Variants in VPS41 observed in about 807,000 individuals in gnomAD.
VPS41 encodes vacuolar protein sorting-associated protein 41 homolog.
In VPS41, 85 loss-of-function variants were observed where a neutral mutation model predicts 130.9. That is an observed-to-expected ratio of 0.65 (90% CI 0.55 to 0.78). The LOEUF (loss-of-function observed/expected upper bound fraction) is 0.78. Ranked by LOEUF, VPS41 falls within the 30% of genes least tolerant of loss-of-function variation. The pLI, the probability that VPS41 is intolerant of heterozygous loss-of-function variation, is 0.00. For missense variants in VPS41, 874 were observed against 1,018.7 expected, an observed-to-expected ratio of 0.86 and a Z score of 1.93; for synonymous variants, 335 against 332.9, an observed-to-expected ratio of 1.01 and a Z score of -0.07.
chr7:38,730,078 C>A (rs142562131), intron 25 of VPS41, among the ~76,000 whole-genome samples: 3 of 152,276 alleles, frequency 2.0e-5, no homozygotes, highest in Non-Finnish European at 4.4e-5. Flanking sequence ...ACACATGTCA[C>A]ATCATAGAAG....
At chr7:38,765,493 A>G (rs1784021980) in intron 16 of VPS41, 87 bp downstream of exon 16, 6 of 875,454 alleles carry the variant, frequency 6.9e-6, no homozygotes, top group Non-Finnish European at 1.0e-5. Flanking sequence ...GTCCTAAAAA[A>G]GAGCTGAGTA....
At chr7:38,804,599 T>C (rs1337645937) in intron 7 of VPS41, among the ~76,000 whole-genome samples, 2 of 152,186 alleles carry the variant, frequency 1.3e-5, no homozygotes, top group Non-Finnish European at 2.9e-5. Context: ...AAAGCTTCCA[T>C]GAAAACAAAA....
intron 25 of VPS41, among the ~76,000 whole-genome samples, chr7:38,735,917 G>T (rs886646): frequency 4.0e-5 from 6 of 151,868 alleles, no homozygotes; most frequent in African/African-American, 7.3e-5. Flanking sequence ...GGGAGGAACA[G>T]GGCAGGGGAG....
At chr7:38,890,193 T>C (rs1259533350) in intron 2 of VPS41, among the ~76,000 whole-genome samples, 1 of 152,198 alleles carries the variant, frequency 6.6e-6, no homozygotes, top group Non-Finnish European at 1.5e-5. Flanking sequence ...AATGGCAGAC[T>C]TAAGCCTTAA....
intron 1 of VPS41, among the ~76,000 whole-genome samples, chr7:38,907,130 T>TTA (rs1336843456): frequency 6.7e-6 from 1 of 149,940 alleles, no homozygotes; most frequent in East Asian, 1.9e-4. Flanking sequence ...GTGATGCACA[T>TTA]TATAGGGAAA....
intron 10 of VPS41, among the ~76,000 whole-genome samples, chr7:38,787,356 C>T (rs369621933): frequency 6.6e-6 from 1 of 151,922 alleles, no homozygotes; most frequent in East Asian, 1.9e-4. Flanking sequence ...CTCAGGGAGT[C>T]CTGTGAGAAT....
At chr7:38,878,248 T>C (rs1036852988) in intron 2 of VPS41, among the ~76,000 whole-genome samples, 2 of 152,112 alleles carry the variant, frequency 1.3e-5, no homozygotes, top group African/African-American at 4.8e-5. Flanking sequence ...TTAATACCTT[T>C]TACAGACAAA....
chr7:38,860,693 CTGTTTG>C (rs1554296415), intron 4 of VPS41, among the ~76,000 whole-genome samples: 4 of 134,340 alleles, frequency 3.0e-5, no homozygotes, highest in South Asian at 2.5e-4. Flanking sequence ...TATTAACAAT[CTGTTTG>C]TGTGTGTGTG....
intron 2 of VPS41, among the ~76,000 whole-genome samples, chr7:38,872,250 A>G (rs945920829): frequency 1.3e-5 from 2 of 152,232 alleles, no homozygotes; most frequent in Non-Finnish European, 2.9e-5. Flanking sequence ...GTTCTGATCA[A>G]GCAGCCCTGT....
rs370113578 is a variant in VPS41 at position 38,748,437 on chromosome 7, G to A, written c.1927-2824C>T. On this transcript the variant is annotated intron_variant, in intron 22 of 28. Coordinates refer to ENST00000310301, the MANE Select transcript of VPS41 (RefSeq NM_014396.4). ...ATTATTTCTACCTATCCTTGATCTCGTCATCTTTTATCCAATCTTCTCTTT... is the reference window on the plus strand; with the variant it reads ...ATTATTTCTACCTATCCTTGATCTCATCATCTTTTATCCAATCTTCTCTTT... Among the ~76,000 whole-genome samples the A allele has an allele frequency of 6.6e-5, 10 of 151,892 alleles. No homozygotes were observed. The South Asian group carries it at 1.3e-3, about 19-fold the overall frequency.
intron 2 of VPS41, among the ~76,000 whole-genome samples, chr7:38,871,843 T>G (rs1470469975): frequency 6.6e-6 from 1 of 152,232 alleles, no homozygotes; most frequent in African/African-American, 2.4e-5. Context: ...TTATTTTCTA[T>G]AAAGATAGAG....
rs1475582097 is a variant in VPS41, at chr7:38,880,055, G to A, written c.61-10802C>T. On this transcript the variant is annotated intron_variant, in intron 2 of 28. Transcript: ENST00000310301. Reference sequence around the variant, plus strand: ...TAAAACCTTGGTTACCTTGCCTTTTGTGAAAAGGAAATGATAACCTGCACC... The same window carrying A: ...TAAAACCTTGGTTACCTTGCCTTTTATGAAAAGGAAATGATAACCTGCACC... Among the ~76,000 whole-genome samples, 6 of 152,160 alleles carry A rather than the reference G, an allele frequency of 3.9e-5. No individual in the cohort carries two copies. In the East Asian group the frequency reaches 1.2e-3, roughly 29 times the overall value.
intron 22 of VPS41, among the ~76,000 whole-genome samples, chr7:38,747,961 A>C (rs1047419649): frequency 1.3e-5 from 2 of 152,258 alleles, no homozygotes; most frequent in African/African-American, 4.8e-5. Context: ...AGTATCACCA[A>C]GTTCAAAGAT....
In VPS41 at chr7:38,909,138, C is replaced by T; in HGVS notation, c.21+16G>A. 5 of 1,614,200 alleles carry T rather than the reference C, an allele frequency of 3.1e-6. No individual in the cohort carries two copies. Among genetic ancestry groups the T allele is most frequent in the South Asian group, 1.1e-5 (1 of 91,084 alleles). The stretch of plus-strand genomic sequence containing the variant: ...TCTATATCCCTGTGCCCTCAACTAC[C>T]ACCTGCACCCTTTACCTGCTCCTCT... On this transcript the variant is annotated intron_variant, in intron 1 of 28. Coordinates refer to ENST00000310301, the MANE Select transcript of VPS41 (RefSeq NM_014396.4).
At chr7:38,809,479 T>A (rs951324655) in intron 7 of VPS41, among the ~76,000 whole-genome samples, 2 of 151,802 alleles carry the variant, frequency 1.3e-5, no homozygotes, top group African/African-American at 2.4e-5. Flanking sequence ...AATAATTTTT[T>A]AAATATTTAC....
At chr7:38,823,844 C>T (rs1015500802) in intron 5 of VPS41, among the ~76,000 whole-genome samples, 1 of 152,180 alleles carries the variant, frequency 6.6e-6, no homozygotes, top group African/African-American at 2.4e-5. Context: ...CCCCCCATCA[C>T]CTGCTGCTCA....
intron 4 of VPS41, among the ~76,000 whole-genome samples, chr7:38,845,504 G>C (rs1016516188): frequency 6.6e-6 from 1 of 152,192 alleles, no homozygotes; most frequent in Non-Finnish European, 1.5e-5. Flanking sequence ...ATTTTCCCCA[G>C]AGCTTGCAAT....
intron 4 of VPS41, among the ~76,000 whole-genome samples, chr7:38,844,491 C>T (rs1025135297): frequency 2.0e-5 from 3 of 152,022 alleles, no homozygotes; most frequent in African/African-American, 4.8e-5. Context: ...AGAATATAAA[C>T]GTCCTTGATT....
chr7:38,907,029 G>A (rs1787282710), intron 1 of VPS41, among the ~76,000 whole-genome samples: 2 of 151,536 alleles, frequency 1.3e-5, no homozygotes, highest in Admixed American at 1.3e-4. Context: ...ACAAATCCTT[G>A]TCAGGATGTT....
Sources: allele counts gnomAD v4.1 joint callset (sites outside exome capture counted in the v4.1 genomes callset), GRCh38; gene constraint gnomAD v4.1.1; transcripts MANE v1.5; gene names NCBI Gene and HGNC (gene_info 2026-07-23, HGNC 2026-07-21).